Variants in FYB2 observed in about 807,000 individuals in gnomAD.
The protein encoded by FYB2 is FYN binding protein 2.
Under a neutral mutation model 94.1 loss-of-function variants are expected in FYB2, and 103 were observed. That is an observed-to-expected ratio of 1.09 (90% CI 0.93 to 1.29). The LOEUF (loss-of-function observed/expected upper bound fraction) is 1.29, where lower values mean the gene tolerates loss of function less well. FYB2 is among the 50% of genes most tolerant of loss of function. The pLI, the probability that FYB2 is intolerant of heterozygous loss-of-function variation, is 0.00. For synonymous variants in FYB2, 293 were observed against 287.9 expected (o/e 1.02, Z -0.18); for missense variants, 896 against 841.5 (o/e 1.06, Z -0.80).
intron 1 of FYB2, among the ~76,000 whole-genome samples, chr1:56,795,313 T>A (rs1172940615): frequency 6.6e-6 from 1 of 150,654 alleles, no homozygotes; most frequent in Non-Finnish European, 1.5e-5. Flanking sequence ...TAGAATTTCC[T>A]TCCTTTTTAA....
Position 56,767,794 on chromosome 1 carries a change from C to G in FYB2, c.1063+35G>C, listed in dbSNP as rs574686476. Reference sequence around the variant, plus strand: ...ATTTTTGACACATTTTCATTCCACACAGGGTTACACTATTAATTGGCTTAG... The same window carrying G: ...ATTTTTGACACATTTTCATTCCACAGAGGGTTACACTATTAATTGGCTTAG... On this transcript the variant is annotated intron_variant, in intron 5 of 19. Transcript: ENST00000343433. The G allele has an allele frequency of 1.2e-5, 17 of 1,447,022 alleles. No individual in the cohort carries two copies. In the South Asian group the frequency reaches 1.6e-4, roughly 14 times the overall value. The allele number at this position is 1,447,022 out of a possible 1,614,324, so 89.6% of individuals were successfully genotyped here. A position where few individuals can be genotyped will look rare whatever the true frequency, so the allele number is the denominator to read the frequency against.
chr1:56,822,391 A>C (rs1387645305), upstream of FYB2, among the ~76,000 whole-genome samples: 1 of 152,232 alleles, frequency 6.6e-6, no homozygotes, highest in Non-Finnish European at 1.5e-5. Context: ...GTTTTTTCCA[A>C]ACTCAATTTT....
chr1:56,760,185 A>G (rs1018242340), intron 5 of FYB2, among the ~76,000 whole-genome samples: 7 of 152,022 alleles, frequency 4.6e-5, no homozygotes, highest in African/African-American at 1.4e-4. Flanking sequence ...TTCTTTGCTT[A>G]AAAGTTATTT....
At chr1:56,763,732 T>G (rs1175688060) in intron 5 of FYB2, among the ~76,000 whole-genome samples, 2 of 151,846 alleles carry the variant, frequency 1.3e-5, no homozygotes, top group African/African-American at 4.8e-5. Context: ...ATTTTATTGA[T>G]TTTTTTTCAA....
rs764377688 is a variant in FYB2 at position 56,736,424 on chromosome 1, C to CA, written c.1793+662_1793+663insT. 5.8e-3 allele frequency among the ~76,000 whole-genome samples: 691 copies of CA among 120,002 alleles called. 34 individuals carry two copies. In the East Asian group the frequency reaches 0.13, roughly 22 times the overall value. The allele number at this position is 120,002 out of a possible 152,430, so 78.7% of individuals were successfully genotyped here. A position where few individuals can be genotyped will look rare whatever the true frequency, so the allele number is the denominator to read the frequency against. ...GAGGGAGCATCAAACTTAAGGATGG[C>CA]TTTTTTTTTTTTTTTTTTTGGAACA... On this transcript the variant is annotated intron_variant, in intron 15 of 19. Coordinates refer to ENST00000343433, the MANE Select transcript of FYB2 (RefSeq NM_001004303.5).
chr1:56,813,250 G>A (rs1324271049), intron 1 of FYB2, among the ~76,000 whole-genome samples: 1 of 151,996 alleles, frequency 6.6e-6, no homozygotes, highest in African/African-American at 2.4e-5. Context: ...CCTGAGACTG[G>A]GTAATTTATA....
chr1:56,766,139 G>A (rs1172608450), intron 5 of FYB2, among the ~76,000 whole-genome samples: 1 of 152,126 alleles, frequency 6.6e-6, no homozygotes, highest in Non-Finnish European at 1.5e-5. Flanking sequence ...TATCACCAAG[G>A]AACTTGTTAG....
chr1:56,722,907 C>T (rs951600565), intron 17 of FYB2, among the ~76,000 whole-genome samples: 2 of 151,958 alleles, frequency 1.3e-5, no homozygotes, highest in African/African-American at 4.8e-5. Flanking sequence ...ATGGAAGGTG[C>T]TCAGTATGTT....
At chr1:56,730,076 A>G (rs1644672036) in intron 15 of FYB2, among the ~76,000 whole-genome samples, 1 of 151,878 alleles carries the variant, frequency 6.6e-6, no homozygotes, top group Non-Finnish European at 1.5e-5. Context: ...TACATCAAAA[A>G]CTAGAAAGAT....
At chr1:56,766,331 C>T (rs1301553748) in intron 5 of FYB2, among the ~76,000 whole-genome samples, 5 of 152,220 alleles carry the variant, frequency 3.3e-5, no homozygotes, top group Non-Finnish European at 7.3e-5. Flanking sequence ...TCAAGAGTTG[C>T]TCTTCCTATG....
chr1:56,796,384 C>T (rs1359161695), intron 1 of FYB2, among the ~76,000 whole-genome samples: 1 of 152,120 alleles, frequency 6.6e-6, no homozygotes, highest in African/African-American at 2.4e-5. Flanking sequence ...TCAGCTGCCG[C>T]AGCTAGTCAA....
chr1:56,810,827 G>A (rs902470541), intron 1 of FYB2, among the ~76,000 whole-genome samples: 2 of 152,164 alleles, frequency 1.3e-5, no homozygotes, highest in African/African-American at 2.4e-5. Flanking sequence ...CTAATGTCAG[G>A]TGATGTTGTC....
At chr1:56,817,913 G>A (rs1376682896) in intron 1 of FYB2, among the ~76,000 whole-genome samples, 1 of 152,160 alleles carries the variant, frequency 6.6e-6, no homozygotes, top group Non-Finnish European at 1.5e-5. Flanking sequence ...GTAAGCTCAT[G>A]TCCCAGCTCT....
At chr1:56,741,648 T>C (rs1644956050) in intron 12 of FYB2, among the ~76,000 whole-genome samples, 1 of 152,016 alleles carries the variant, frequency 6.6e-6, no homozygotes, top group Non-Finnish European at 1.5e-5. Context: ...ATGTCCTTAA[T>C]AACTAAACTT....
chr1:56,744,265 A>C lies in FYB2; in HGVS notation c.1389T>G (p.Cys463Trp), dbSNP rs757101105. ...TTGACTCCAAAACCTCCAGATGCCC[A>C]CCTGAAAGGAAACCAGAAAACCTGA... ...PKLARHSQGH[C>W]GHLEVLESTK... The change falls in exon 10 of 20, where the codon TGT becomes TGG. Residue 463 changes from cysteine to tryptophan, a missense_variant and splice_region_variant. Transcript: ENST00000343433. 93 of 1,608,604 alleles carry C rather than the reference A, an allele frequency of 5.8e-5. No individual in the cohort carries two copies. In the South Asian group the frequency reaches 9.7e-4, roughly 17 times the overall value.
chr1:56,806,816 T>C (rs994758366), intron 1 of FYB2, among the ~76,000 whole-genome samples: 39 of 152,226 alleles, frequency 2.6e-4, no homozygotes, highest in African/African-American at 9.4e-4. Flanking sequence ...CTGCATTTTG[T>C]GGTGAGGGTA....
chr1:56,750,126 G>A (rs186734678), intron 9 of FYB2, among the ~76,000 whole-genome samples: 14 of 152,048 alleles, frequency 9.2e-5, no homozygotes, highest in Non-Finnish European at 1.3e-4. Flanking sequence ...TGCCTACGGC[G>A]TGCCATGGGA....
chr1:56,794,093 C>T (rs141957905), intron 1 of FYB2, among the ~76,000 whole-genome samples: 38 of 152,276 alleles, frequency 2.5e-4, no homozygotes, highest in Middle Eastern at 3.4e-3. Context: ...GGCTAGATGA[C>T]GCTCTTGCAT....
intron 11 of FYB2, among the ~76,000 whole-genome samples, chr1:56,742,484 G>A (rs921672578): frequency 2.6e-5 from 4 of 151,998 alleles, no homozygotes; most frequent in African/African-American, 9.7e-5. Flanking sequence ...AAGAAAGTTG[G>A]TTCTTCAATA....
Sources: allele counts gnomAD v4.1 joint callset (sites outside exome capture counted in the v4.1 genomes callset), GRCh38; gene constraint gnomAD v4.1.1; transcripts MANE v1.5; gene names NCBI Gene and HGNC (gene_info 2026-07-23, HGNC 2026-07-21).